ADGRL3: variants seen among roughly 807,000 people sequenced by gnomAD.
The protein encoded by ADGRL3 is calcium-independent alpha-latrotoxin receptor 3.
ADGRL3 carries 62 observed loss-of-function variants against 153.5 expected under a neutral mutation model. The ratio of observed to expected loss-of-function variants is 0.40; its 90% CI spans 0.33 to 0.50. The LOEUF is 0.50. Among genes scored for constraint, ADGRL3 ranks in the 20% least tolerant of loss-of-function variants. The pLI is 0.47. For synonymous variants in ADGRL3, 710 were observed against 672.5 expected, an observed-to-expected ratio of 1.06 and a Z score of -0.86; for missense variants, 1,641 against 1,859.4, an observed-to-expected ratio of 0.88 and a Z score of 2.16.
chr4:61,668,746 C>A lies in ADGRL3; in HGVS notation c.474-8080C>A, dbSNP rs150865429. Among the ~76,000 whole-genome samples the A allele has an allele frequency of 2.4e-3, 370 of 152,212 alleles. 8 individuals carry two copies. The highest frequency in any genetic ancestry group is 8.5e-3 in the African/African-American group (351 of 41,532). Reference sequence around the variant, plus strand: ...AAAAAAAAAAAATGGAGGCCTGGCACAGTGGCTCACGCTTGTAATTCCAAC... The same window carrying A: ...AAAAAAAAAAAATGGAGGCCTGGCAAAGTGGCTCACGCTTGTAATTCCAAC... On this transcript the variant is annotated intron_variant, in intron 5 of 26. Transcript: ENST00000683033.
intron 9 of ADGRL3, among the ~76,000 whole-genome samples, chr4:61,822,734 C>T (rs1326323041): frequency 6.6e-6 from 1 of 151,894 alleles, no homozygotes; most frequent in African/African-American, 2.4e-5. Flanking sequence ...GGTAGTTTTT[C>T]ATATTGGTTG....
chr4:61,348,250 G>C (rs2095965541), intron 1 of ADGRL3, among the ~76,000 whole-genome samples: 1 of 151,826 alleles, frequency 6.6e-6, no homozygotes, highest in Non-Finnish European at 1.5e-5. Flanking sequence ...TTCCTTTGTA[G>C]TTGATGCATT....
At chr4:61,986,166 A>G (rs12640565) in intron 19 of ADGRL3, among the ~76,000 whole-genome samples, 25,917 of 152,080 alleles carry the variant, frequency 0.17, 2,747 homozygotes, top group East Asian at 0.43. Context: ...CATTTCACCT[A>G]GATCATGGGA....
intron 1 of ADGRL3, among the ~76,000 whole-genome samples, chr4:61,310,428 C>A (rs938702159): frequency 1.3e-5 from 2 of 151,994 alleles, no homozygotes; most frequent in Non-Finnish European, 2.9e-5. Flanking sequence ...CAGACTGTTT[C>A]CTGTCTGTGA....
chr4:61,337,916 A>G (rs944619282), intron 1 of ADGRL3, among the ~76,000 whole-genome samples: 1 of 152,138 alleles, frequency 6.6e-6, no homozygotes, highest in Non-Finnish European at 1.5e-5. Flanking sequence ...AGTCCTTGTT[A>G]TATCATAATC....
chr4:61,422,396 T>C (rs2097217344), intron 2 of ADGRL3, among the ~76,000 whole-genome samples: 1 of 152,208 alleles, frequency 6.6e-6, no homozygotes, highest in African/African-American at 2.4e-5. Flanking sequence ...GCCAAGATTG[T>C]GGCAAACATA....
intron 5 of ADGRL3, among the ~76,000 whole-genome samples, chr4:61,668,155 A>C (rs1195140795): frequency 6.6e-6 from 1 of 152,232 alleles, no homozygotes; most frequent in Non-Finnish European, 1.5e-5. Flanking sequence ...ATGTAATCAC[A>C]TTGGTCCTTT....
At chr4:61,856,950 C>CTCTTTCTTTCTTTCTTTCTTTCTTTCTT (rs55713412) in intron 9 of ADGRL3, among the ~76,000 whole-genome samples, 2 of 56,970 alleles carry the variant, frequency 3.5e-5, no homozygotes, top group Non-Finnish European at 7.1e-5. Flanking sequence ...CTTTCTTCTT[C>CTCTTTCTTTCTTTCTTTCTTTCTTTCTT]TCTTTCTTTC....
intron 2 of ADGRL3, among the ~76,000 whole-genome samples, chr4:61,451,341 T>G (rs2152520854): frequency 6.6e-6 from 1 of 152,198 alleles, no homozygotes; most frequent in Non-Finnish European, 1.5e-5. Context: ...ATATAACATT[T>G]TAATGAAAAA....
intron 1 of ADGRL3, among the ~76,000 whole-genome samples, chr4:61,348,670 G>A (rs2095976028): frequency 6.6e-6 from 1 of 152,114 alleles, no homozygotes; most frequent in East Asian, 1.9e-4. Context: ...AAAAGGACTA[G>A]TCAAAGGTGT....
intron 11 of ADGRL3, among the ~76,000 whole-genome samples, chr4:61,902,983 A>G (rs1382936491): frequency 6.6e-6 from 1 of 152,338 alleles, no homozygotes; most frequent in Non-Finnish European, 1.5e-5. Flanking sequence ...TCAAATGTTC[A>G]TCAGAGAACA....
At chr4:61,265,085 A>C (rs1188826546) in intron 1 of ADGRL3, among the ~76,000 whole-genome samples, 1 of 151,974 alleles carries the variant, frequency 6.6e-6, no homozygotes, top group Non-Finnish European at 1.5e-5. Flanking sequence ...ACAAAATTAC[A>C]AACTTCAAAA....
At chr4:61,726,863 C>T (rs535270806) in intron 6 of ADGRL3, among the ~76,000 whole-genome samples, 1 of 152,066 alleles carries the variant, frequency 6.6e-6, no homozygotes, top group South Asian at 2.1e-4. Flanking sequence ...TAACATTCTG[C>T]ATTGTAAATA....
intron 15 of ADGRL3, among the ~76,000 whole-genome samples, chr4:61,939,628 C>T (rs1012152936): frequency 1.3e-5 from 2 of 152,094 alleles, no homozygotes; most frequent in African/African-American, 4.8e-5. Flanking sequence ...TGCCACCACG[C>T]CTGGCTAATT....
intron 9 of ADGRL3, among the ~76,000 whole-genome samples, chr4:61,823,649 G>C (rs747713806): frequency 2.0e-5 from 3 of 152,166 alleles, no homozygotes; most frequent in Middle Eastern, 3.2e-3. Context: ...AGGTAAGACA[G>C]ATAATACTAA....
intron 9 of ADGRL3, among the ~76,000 whole-genome samples, chr4:61,852,406 C>G (rs2098216430): frequency 6.6e-6 from 1 of 152,018 alleles, no homozygotes. Context: ...CCTCTGCTTC[C>G]TGGGCTCAAG....
intron 1 of ADGRL3, among the ~76,000 whole-genome samples, chr4:61,218,278 G>A (rs771999120): frequency 1.3e-5 from 2 of 151,224 alleles, no homozygotes; most frequent in Non-Finnish European, 1.5e-5. Context: ...ATCATTAATC[G>A]TTTTCATTCA....
rs559245251 is a variant in ADGRL3 at position 61,342,633 on chromosome 4, C to A, written c.-239-40491C>A. On this transcript the variant is annotated intron_variant, in intron 1 of 26. Transcript: ENST00000683033. ...GACTCTTGCCATCTGGCTCTCCAAC[C>A]TTCTTTCCCATTTATTGCTGATGTG... Among the ~76,000 whole-genome samples, 7 of 152,256 alleles carry A rather than the reference C, an allele frequency of 4.6e-5. No individual in the cohort carries two copies. The East Asian group carries it at 1.4e-3, about 29-fold the overall frequency.
intron 21 of ADGRL3, among the ~76,000 whole-genome samples, chr4:62,018,978 T>G (rs1283980253): frequency 6.6e-6 from 1 of 152,156 alleles, no homozygotes; most frequent in Non-Finnish European, 1.5e-5. Flanking sequence ...AGTGGGCATA[T>G]GTACAATTTA....
Sources: allele counts gnomAD v4.1 joint callset (sites outside exome capture counted in the v4.1 genomes callset), GRCh38; gene constraint gnomAD v4.1.1; transcripts MANE v1.5; gene names NCBI Gene and HGNC (gene_info 2026-07-23, HGNC 2026-07-21).